SPAG16: variants seen among roughly 807,000 people sequenced by gnomAD.
SPAG16 encodes sperm associated antigen 16.
Under a neutral mutation model 80.4 loss-of-function variants are expected in SPAG16, and 86 were observed. That is an observed-to-expected ratio of 1.07 (90% CI 0.90 to 1.28). The LOEUF is 1.28. SPAG16 is among the 50% of genes most tolerant of loss of function. The probability of loss-of-function intolerance (pLI) is 0.00; values close to 1 mark genes in which losing one functional copy is unlikely to be tolerated. For synonymous variants in SPAG16, 294 were observed against 265.9 expected, an observed-to-expected ratio of 1.11 and a Z score of -1.03; for missense variants, 870 against 765.3, an observed-to-expected ratio of 1.14 and a Z score of -1.61.
intron 12 of SPAG16, among the ~76,000 whole-genome samples, chr2:213,958,257 G>T (rs1330962341): frequency 2.0e-5 from 3 of 152,144 alleles, no homozygotes; most frequent in South Asian, 2.1e-4. Context: ...ACTGAGAGGT[G>T]GTTGCCTTGG....
At chr2:213,483,974 G>A (rs1215531247) in intron 9 of SPAG16, among the ~76,000 whole-genome samples, 3 of 152,042 alleles carry the variant, frequency 2.0e-5, no homozygotes, top group East Asian at 1.9e-4. Flanking sequence ...ATCTCTGTTC[G>A]TTAGTTTATG....
chr2:213,300,024 T>C (rs2062670574), intron 3 of SPAG16, among the ~76,000 whole-genome samples: 1 of 152,164 alleles, frequency 6.6e-6, no homozygotes, highest in Admixed American at 6.5e-5. Context: ...ATTTTTGCCA[T>C]TTTTTTGGAT....
intron 12 of SPAG16, among the ~76,000 whole-genome samples, chr2:213,963,138 G>T (rs2044540585): frequency 6.8e-6 from 1 of 147,670 alleles, no homozygotes. Flanking sequence ...TATGGTTATT[G>T]GTTAGAGCTC....
intron 10 of SPAG16, among the ~76,000 whole-genome samples, chr2:213,647,393 C>T (rs1362400653): frequency 6.6e-6 from 1 of 152,200 alleles, no homozygotes; most frequent in Admixed American, 6.5e-5. Flanking sequence ...TCTGAGTCTT[C>T]TGCTTCTTTC....
At position 213,701,609 on chromosome 2, in the gene SPAG16, C is replaced by T. The variant is rs542594901; in HGVS notation, c.1071-160876C>T. On this transcript the variant is annotated intron_variant, in intron 10 of 15. Transcript: ENST00000331683. Reference sequence around the variant, plus strand: ...TCGACCTTCCAAGGGCTGAGGAGTGCAGGTGCGTGGCGCGGGACTGGTAGG... The same window carrying T: ...TCGACCTTCCAAGGGCTGAGGAGTGTAGGTGCGTGGCGCGGGACTGGTAGG... Among the ~76,000 whole-genome samples the T allele has an allele frequency of 7.2e-5, 11 of 152,280 alleles. No homozygotes were observed. The South Asian group carries it at 1.9e-3, about 26-fold the overall frequency.
intron 11 of SPAG16, among the ~76,000 whole-genome samples, chr2:213,882,986 C>A (rs1180141588): frequency 6.6e-6 from 1 of 152,188 alleles, no homozygotes; most frequent in Non-Finnish European, 1.5e-5. Flanking sequence ...CCTCCTCAGC[C>A]TCCCGAGTAG....
chr2:214,331,285 G>C (rs1696894871), intron 15 of SPAG16, among the ~76,000 whole-genome samples: 1 of 152,142 alleles, frequency 6.6e-6, no homozygotes. Context: ...TAGGTAGGTA[G>C]GTAGATGCCT....
intron 9 of SPAG16, among the ~76,000 whole-genome samples, chr2:213,375,947 A>T (rs1434116520): frequency 1.3e-5 from 2 of 150,232 alleles, no homozygotes; most frequent in African/African-American, 4.9e-5. Context: ...ATGAATTTTT[A>T]TAAATTTGTA....
chr2:214,090,485 G>A (rs1438085907), intron 13 of SPAG16, among the ~76,000 whole-genome samples: 1 of 151,532 alleles, frequency 6.6e-6, no homozygotes, highest in African/African-American at 2.4e-5. Context: ...AGTGTCAAGG[G>A]TCAAAGAAAG....
chr2:214,024,974 G>A (rs535881417), intron 13 of SPAG16, among the ~76,000 whole-genome samples: 33 of 151,602 alleles, frequency 2.2e-4, no homozygotes, highest in Middle Eastern at 3.4e-3. Flanking sequence ...TTAGAGTCTT[G>A]AGTCCAAGAT....
chr2:214,380,618 A>G (rs1047103745), intron 15 of SPAG16, among the ~76,000 whole-genome samples: 1 of 152,254 alleles, frequency 6.6e-6, no homozygotes, highest in African/African-American at 2.4e-5. Flanking sequence ...TTAAAGACAA[A>G]TTAATTAACA....
chr2:214,280,008 G>C (rs554246635), intron 15 of SPAG16, among the ~76,000 whole-genome samples: 1 of 152,302 alleles, frequency 6.6e-6, no homozygotes, highest in Non-Finnish European at 1.5e-5. Context: ...ACTATATGCT[G>C]ACATTACTGA....
rs528051009 is a variant in SPAG16 at position 213,749,015 on chromosome 2, C to T, written c.1071-113470C>T. ...TACAAAAGTTAGCTGGGCATGGTGG[C>T]GGGCGCCTGTAGTCCCAGCTACTCA... On this transcript the variant is annotated intron_variant, in intron 10 of 15. Transcript: ENST00000331683. Among the ~76,000 whole-genome samples, 8 of 152,028 alleles carry T rather than the reference C, an allele frequency of 5.3e-5. No individual in the cohort carries two copies. The East Asian group carries it at 5.8e-4, about 11-fold the overall frequency.
chr2:213,926,576 T>C lies in SPAG16; in HGVS notation c.1215-3384T>C, dbSNP rs2078489123. Reference sequence around the variant, plus strand: ...TCTCATATGCTATTTAACCCATCCATTGATTTCTTAATTTCAATAATTTTA... The same window carrying C: ...TCTCATATGCTATTTAACCCATCCACTGATTTCTTAATTTCAATAATTTTA... On this transcript the variant is annotated intron_variant, in intron 11 of 15. Coordinates refer to ENST00000331683, the MANE Select transcript of SPAG16 (RefSeq NM_024532.5). 2.6e-5 allele frequency among the ~76,000 whole-genome samples: 4 copies of C among 152,288 alleles called. No individual in the cohort carries two copies. The South Asian group carries it at 8.3e-4, about 32-fold the overall frequency.
At chr2:213,552,909 T>G (rs2076828140) in intron 10 of SPAG16, among the ~76,000 whole-genome samples, 1 of 152,136 alleles carries the variant, frequency 6.6e-6, no homozygotes, top group South Asian at 2.1e-4. Flanking sequence ...AACATCAAAT[T>G]CTTTGGCTTT....
intron 12 of SPAG16, among the ~76,000 whole-genome samples, chr2:213,952,807 T>G (rs6734776): frequency 0.33 from 49,812 of 151,950 alleles, 8,907 homozygotes; most frequent in South Asian, 0.47. Context: ...AGCTGAAATA[T>G]GGGTGTCAAG....
At chr2:213,529,450 A>G (rs796497443) in intron 10 of SPAG16, among the ~76,000 whole-genome samples, 7 of 152,318 alleles carry the variant, frequency 4.6e-5, no homozygotes, top group South Asian at 2.1e-4. Flanking sequence ...CTCCTTGGCC[A>G]TGTGAGCCAG....
At position 214,209,206 on chromosome 2, in the gene SPAG16, T is replaced by G. The variant is rs2058224846; in HGVS notation, c.1720+59940T>G. ...AGGGTCCCTTCACCCACTATGGTAGTGTAGTTATTATATCTCTTCATGCCT... is the reference window on the plus strand; with the variant it reads ...AGGGTCCCTTCACCCACTATGGTAGGGTAGTTATTATATCTCTTCATGCCT... On this transcript the variant is annotated intron_variant, in intron 15 of 15. Transcript: ENST00000331683. Among the ~76,000 whole-genome samples, 4 of 152,206 alleles carry G rather than the reference T, an allele frequency of 2.6e-5. No individual in the cohort carries two copies. In the South Asian group the frequency reaches 8.3e-4, roughly 32 times the overall value.
intron 10 of SPAG16, among the ~76,000 whole-genome samples, chr2:213,492,156 C>G (rs964338391): frequency 3.3e-5 from 5 of 151,916 alleles, no homozygotes; most frequent in Admixed American, 1.3e-4. Context: ...ACTTCTTTCT[C>G]TGTACTCTCA....
Sources: allele counts gnomAD v4.1 joint callset (sites outside exome capture counted in the v4.1 genomes callset), GRCh38; gene constraint gnomAD v4.1.1; transcripts MANE v1.5; gene names NCBI Gene and HGNC (gene_info 2026-07-23, HGNC 2026-07-21).